TADA1: variants seen among roughly 807,000 people sequenced by gnomAD.
TADA1 encodes transcriptional adaptor 1, also known as transcriptional adapter 1.
In TADA1, 23 loss-of-function variants were observed where a neutral mutation model predicts 39.3. That is an observed-to-expected ratio of 0.58 (90% CI 0.42 to 0.83). The LOEUF is 0.83. Ranked by LOEUF, TADA1 falls within the 40% of genes least tolerant of loss-of-function variation. TADA1 has a pLI of 0.00. For synonymous variants in TADA1, 137 were observed against 151.8 expected, an observed-to-expected ratio of 0.90 and a Z score of 0.72; for missense variants, 352 against 408.1, an observed-to-expected ratio of 0.86 and a Z score of 1.18.
At chr1:166,857,987 G>A (rs6675750) in intron 7 of TADA1, 132 bp downstream of exon 7, 440,891 of 1,185,420 alleles carry the variant, frequency 0.37, 83,583 homozygotes, top group Middle Eastern at 0.54. Context: ...TATTAATAAC[G>A]GCTTTTATAA....
intron 6 of TADA1, among the ~76,000 whole-genome samples, chr1:166,859,454 T>C (rs1658360119): frequency 6.6e-6 from 1 of 152,222 alleles, no homozygotes; most frequent in Non-Finnish European, 1.5e-5. Context: ...ATTACATTAC[T>C]ACTTTTTTTT....
intron 1 of TADA1, among the ~76,000 whole-genome samples, chr1:166,871,871 A>G (rs1658668448): frequency 6.6e-6 from 1 of 152,256 alleles, no homozygotes; most frequent in Non-Finnish European, 1.5e-5. Context: ...ACCTGGAGAA[A>G]AACTCTATTA....
At chr1:166,873,468 A>G (rs749665477) in intron 1 of TADA1, among the ~76,000 whole-genome samples, 38 of 152,164 alleles carry the variant, frequency 2.5e-4, no homozygotes, top group Non-Finnish European at 5.1e-4. Flanking sequence ...CTGGATAAAT[A>G]GCAAATAACT....
Position 166,857,045 on chromosome 1 carries a change from TA to T in TADA1, c.*521del, listed in dbSNP as rs147778433. On this transcript the variant is annotated 3_prime_UTR_variant, in exon 8 of 8. Transcript: ENST00000367874. ...TTATAGTGATAAATTTCTCAGGGGC[TA>T]CCTATCGCTATTAAAATTTGAACTG... The T allele has an allele frequency of 6.5e-3, 993 of 152,804 alleles. 14 individuals are homozygous for T. The highest frequency in any genetic ancestry group is 0.022 in the African/African-American group (928 of 41,586). The allele number at this position is 152,804 out of a possible 1,614,324, so 9.5% of individuals were successfully genotyped here.
chr1:166,859,046 G>A (rs1157162900), intron 6 of TADA1, among the ~76,000 whole-genome samples: 1 of 152,214 alleles, frequency 6.6e-6, no homozygotes, highest in Non-Finnish European at 1.5e-5. Flanking sequence ...TTTTTTTCTA[G>A]AGAAGAATGA....
chr1:166,865,022 G>A (rs1014032065), intron 3 of TADA1, among the ~76,000 whole-genome samples: 3 of 151,890 alleles, frequency 2.0e-5, no homozygotes, highest in Admixed American at 2.0e-4. Context: ...ACATGAAAAG[G>A]ACAATAATTA....
At chr1:166,867,273 C>T (rs1409914600) in intron 3 of TADA1, among the ~76,000 whole-genome samples, 2 of 152,158 alleles carry the variant, frequency 1.3e-5, no homozygotes, top group Non-Finnish European at 2.9e-5. Flanking sequence ...TGGCAATTTA[C>T]AATATGCTTC....
chr1:166,860,462 G>T, intron 5 of TADA1, 125 bp from the exon 6 acceptor site: 2 of 880,384 alleles, frequency 2.3e-6, no homozygotes, highest in Non-Finnish European at 3.3e-6. Flanking sequence ...GTATATGCTA[G>T]AACCAAATGA....
chr1:166,860,909 C>A (rs1269435650), intron 5 of TADA1, among the ~76,000 whole-genome samples: 1 of 152,068 alleles, frequency 6.6e-6, no homozygotes, highest in Non-Finnish European at 1.5e-5. Context: ...CCTCAGGTGA[C>A]CCGCCCATCT....
At chr1:166,864,665 T>G (rs553948544) in intron 3 of TADA1, among the ~76,000 whole-genome samples, 124 of 152,194 alleles carry the variant, frequency 8.1e-4, no homozygotes, top group African/African-American at 2.8e-3. Context: ...GTTTAAAAAT[T>G]AAGAATTTCA....
At chr1:166,860,367 G>T in intron 5 of TADA1, 30 bp from the exon 6 acceptor site, 1 of 1,567,526 alleles carries the variant, frequency 6.4e-7, no homozygotes, top group South Asian at 1.2e-5. Flanking sequence ...AAAATAGCAT[G>T]ATATCCTCTT....
chr1:166,869,773 T>C lies in TADA1; in HGVS notation c.156A>G (p.Thr52=), dbSNP rs1658617083. 1 of 1,612,676 alleles carries C rather than the reference T, an allele frequency of 6.2e-7. No homozygotes were observed. The highest frequency in any genetic ancestry group is 1.7e-5 in the Admixed American group (1 of 59,986). ...EFDLEAHRLL[T]QDNVHSHNDF... is the part of the protein sequence containing the mutation. ...AGATAATTATTTTACCATTATCCTG[T>C]GTGAGAAGTCTATGAGCTTCAAGGT... Residue 52 remains threonine (T), a synonymous_variant, in exon 2 of 8, where the codon ACA becomes ACG. Transcript: ENST00000367874.
rs551554041 is a variant in TADA1, at chr1:166,858,344, T to A, written c.693-63A>T. On this transcript the variant is annotated intron_variant, in intron 6 of 7. Coordinates refer to ENST00000367874, the MANE Select transcript of TADA1 (RefSeq NM_053053.4). ...GACAACTGAGCAACAAGGACAGGAG[T>A]GGCCTGCTAGAATCTTATTTAAAAA... The A allele has an allele frequency of 1.7e-3, 2,193 of 1,291,430 alleles. 2 individuals are homozygous for A. Among genetic ancestry groups the A allele is most frequent in the Non-Finnish European group, 2.1e-3 (2,044 of 954,880 alleles). 80.0% of individuals were successfully genotyped at this position (1,291,430 alleles called of 1,614,324 possible). A position where few individuals can be genotyped will look rare whatever the true frequency, so the allele number is the denominator to read the frequency against.
intron 3 of TADA1, among the ~76,000 whole-genome samples, chr1:166,865,502 C>G (rs1018932434): frequency 1.3e-5 from 2 of 151,676 alleles, no homozygotes; most frequent in Non-Finnish European, 2.9e-5. Flanking sequence ...AACACAACCT[C>G]ACTACAGTAC....
intron 4 of TADA1, 113 bp downstream of exon 4, chr1:166,863,711 C>CT: frequency 2.0e-6 from 2 of 984,414 alleles, no homozygotes; most frequent in East Asian, 2.5e-5. Flanking sequence ...AATCATACTC[C>CT]TTTTTTTCAA....
chr1:166,861,986 G>C (rs1190059933), intron 5 of TADA1, among the ~76,000 whole-genome samples: 1 of 152,074 alleles, frequency 6.6e-6, no homozygotes, highest in Non-Finnish European at 1.5e-5. Flanking sequence ...TTGAGCCCAG[G>C]ATTTCCAGGT....
In TADA1 at chr1:166,862,239, G is replaced by T; in HGVS notation, c.504C>A (p.Thr168=). ...TAYEHGLDNV[T]EEAVSAVVYA... is the part of the protein sequence containing the mutation. Reference sequence around the variant, plus strand: ...AGACAACAGCTGAAACAGCCTCCTCGGTGACATTGTCCAGCCCATGCTCAT... The same window carrying T: ...AGACAACAGCTGAAACAGCCTCCTCTGTGACATTGTCCAGCCCATGCTCAT... The change falls in exon 5 of 8, where the codon ACC becomes ACA. Residue 168 remains threonine (T), a synonymous_variant. Coordinates refer to ENST00000367874, the MANE Select transcript of TADA1 (RefSeq NM_053053.4). The T allele has an allele frequency of 6.2e-7, 1 of 1,613,816 alleles. No homozygotes were observed. Among genetic ancestry groups the T allele is most frequent in the Middle Eastern group, 1.7e-4 (1 of 5,920 alleles).
chr1:166,870,556 G>A (rs991382823), intron 1 of TADA1, among the ~76,000 whole-genome samples: 25 of 152,318 alleles, frequency 1.6e-4, no homozygotes, highest in African/African-American at 5.3e-4. Context: ...TCGCCGGTAC[G>A]GTGGCTCATG....
rs767928704 is a variant in TADA1 at position 166,863,938 on chromosome 1, T to C, written c.233-17A>G. 23 of 1,576,042 alleles carry C rather than the reference T, an allele frequency of 1.5e-5. No homozygotes were observed. The East Asian group carries it at 3.5e-4, about 24-fold the overall frequency. On this transcript the variant is annotated splice_polypyrimidine_tract_variant and intron_variant, in intron 3 of 7. Coordinates refer to ENST00000367874, the MANE Select transcript of TADA1 (RefSeq NM_053053.4). Reference sequence around the variant, plus strand: ...CAGCACCATCTAGGAGACAGAAATATATAACCATAAGTAAAAATAATGACA... The same window carrying C: ...CAGCACCATCTAGGAGACAGAAATACATAACCATAAGTAAAAATAATGACA...
Sources: gnomAD v4.1 joint callset for allele counts (sites outside exome capture counted in the v4.1 genomes callset) on GRCh38, gnomAD v4.1.1 for gene constraint, MANE v1.5 for transcripts, NCBI Gene and HGNC (gene_info 2026-07-23, HGNC 2026-07-21) for gene names.